DOP1A: variants seen among roughly 807,000 people sequenced by gnomAD.
DOP1A encodes the protein DOP1 leucine zipper like protein A, also known as protein DOP1A.
In DOP1A, 90 loss-of-function variants were observed where a neutral mutation model predicts 267.6. That is an observed-to-expected ratio of 0.34 (90% CI 0.28 to 0.40). The LOEUF (loss-of-function observed/expected upper bound fraction) is 0.40. DOP1A is among the 10% of genes least tolerant of loss of function. The pLI is 1.00. For synonymous variants in DOP1A, 932 were observed against 999.1 expected (o/e 0.93, Z 1.27); for missense variants, 2,437 against 2,900.4 (o/e 0.84, Z 3.67).
intron 1 of DOP1A, chr6:83,072,862 CT>C (rs1163439470): frequency 1.1e-5 from 2 of 185,136 alleles, no homozygotes; most frequent in African/African-American, 4.8e-5. Flanking sequence ...ATGCTTTTTG[CT>C]TCTGTTCAGA....
rs376756770 is a variant in DOP1A at position 83,159,925 on chromosome 6, C to T, written c.6927C>T (p.Leu2309=). 23 of 1,613,978 alleles carry T rather than the reference C, an allele frequency of 1.4e-5. No individual in the cohort carries two copies. In the African/African-American group the frequency reaches 1.5e-4, roughly 10 times the overall value. ...CTTGCAAATTTTTGGATTTGGCTCT[C>T]GCATTGCCCTCTGAAAACCTTCCTC... is the stretch of plus-strand genomic sequence containing the variant. ...LSACKFLDLA[L]ALPSENLPQF... is the part of the protein sequence containing the mutation. Residue 2309 remains leucine (L), a synonymous_variant, in exon 37 of 39, where the codon CTC becomes CTT. Coordinates refer to ENST00000349129, the MANE Select transcript of DOP1A (RefSeq NM_015018.4).
chr6:83,074,717 A>C (rs369074582), intron 1 of DOP1A, among the ~76,000 whole-genome samples: 2 of 152,304 alleles, frequency 1.3e-5, no homozygotes, highest in East Asian at 3.9e-4. Flanking sequence ...AATGATGTAA[A>C]TTATAGTGAA....
At chr6:83,117,123 T>A (rs1443347801) in intron 7 of DOP1A, among the ~76,000 whole-genome samples, 1 of 138,238 alleles carries the variant, frequency 7.2e-6, no homozygotes, top group African/African-American at 2.9e-5. Flanking sequence ...AGTACTTTTT[T>A]ATTTTATTTT....
chr6:83,107,681 T>G (rs1239100342), intron 4 of DOP1A, among the ~76,000 whole-genome samples: 1 of 152,190 alleles, frequency 6.6e-6, no homozygotes, highest in African/African-American at 2.4e-5. Flanking sequence ...CCTAGTCTAA[T>G]TAGGAGATAA....
intron 5 of DOP1A, 47 bp from the exon 6 acceptor site, chr6:83,110,078 A>G (rs1774294753): frequency 6.7e-7 from 1 of 1,489,750 alleles, no homozygotes; most frequent in African/African-American, 1.4e-5. Context: ...TTTTTAAAAT[A>G]TGAAACTAAA....
intron 11 of DOP1A, 24 bp downstream of exon 11, chr6:83,122,074 T>G (rs1776451235): frequency 1.2e-6 from 2 of 1,607,004 alleles, no homozygotes; most frequent in East Asian, 4.5e-5. Context: ...AAATTAAATG[T>G]GACATGAAGA....
chr6:83,152,360 T>C lies in DOP1A; in HGVS notation c.6122T>C (p.Leu2041Pro). 1.3e-6 allele frequency: 2 copies of C among 1,508,454 alleles called. No homozygotes were observed. Among genetic ancestry groups the C allele is most frequent in the Admixed American group, 2.1e-5 (1 of 47,766 alleles). The allele number at this position is 1,508,454 out of a possible 1,614,324, so 93.4% of individuals were successfully genotyped here. The change falls in exon 30 of 39, where the codon CTC becomes CCC. Residue 2041 changes from leucine to proline, a missense_variant. Transcript: ENST00000349129. ...SVYSVHALTL[L>P]SEVLAHLLDM... Reference sequence around the variant, plus strand: ...TATAGTGTCCATGCATTGACATTACTCTCTGAGGTAAATATTAAGCTTTTT... The same window carrying C: ...TATAGTGTCCATGCATTGACATTACCCTCTGAGGTAAATATTAAGCTTTTT...
chr6:83,143,904 A>G (rs1352350927), intron 24 of DOP1A, among the ~76,000 whole-genome samples: 2 of 152,232 alleles, frequency 1.3e-5, no homozygotes, highest in East Asian at 3.9e-4. Context: ...CACAAAGATT[A>G]GCATGTAATT....
chr6:83,073,223 C>T (rs545308449), intron 1 of DOP1A: 33 of 164,180 alleles, frequency 2.0e-4, no homozygotes, highest in Admixed American at 1.5e-3. Flanking sequence ...GCTGGGACTA[C>T]GGGCATGTGC....
downstream of DOP1A, chr6:83,168,634 A>G: frequency 5.0e-6 from 5 of 996,314 alleles, no homozygotes; most frequent in Non-Finnish European, 6.0e-6. Flanking sequence ...GCAGTGAAGA[A>G]TAACTGAAGG....
chr6:83,153,914 AT>A lies in DOP1A; in HGVS notation c.6261del (p.Arg2088GlufsTer51). ...RNHSAHNAPS[Y>X]RACVQLLSSL... ...TGTAGTGCACATAATGCCCCTAGTT[AT>A]CGAGCTTGTGTCCAGCTGCTCAGCA... On this transcript the variant is annotated frameshift_variant, in exon 32 of 39. Coordinates refer to ENST00000349129, the MANE Select transcript of DOP1A (RefSeq NM_015018.4). LOFTEE classifies it high-confidence loss of function. 6.2e-7 allele frequency: 1 copy of A among 1,612,564 alleles called. No individual in the cohort carries two copies. Among genetic ancestry groups the A allele is most frequent in the Non-Finnish European group, 8.5e-7 (1 of 1,179,632 alleles).
chr6:83,094,527 A>G (rs1452535168), intron 1 of DOP1A, among the ~76,000 whole-genome samples: 2 of 152,226 alleles, frequency 1.3e-5, no homozygotes, highest in Non-Finnish European at 2.9e-5. Context: ...CCAGCAGTGT[A>G]TGAGGGTTCC....
intron 22 of DOP1A, 43 bp from the exon 23 acceptor site, chr6:83,140,178 A>G: frequency 6.2e-7 from 1 of 1,605,898 alleles, no homozygotes; most frequent in Non-Finnish European, 8.5e-7. Context: ...CCATTTGTAA[A>G]TCTCAGTAAG....
intron 1 of DOP1A, among the ~76,000 whole-genome samples, chr6:83,068,307 A>G (rs1785041585): frequency 6.6e-6 from 1 of 152,210 alleles, no homozygotes; most frequent in African/African-American, 2.4e-5. Flanking sequence ...ATTAAGAGGA[A>G]GTCAGAAGAG....
At chr6:83,153,258 CTCTTT>C (rs535954736) in intron 30 of DOP1A, 2 of 255,044 alleles carry the variant, frequency 7.8e-6, no homozygotes, top group South Asian at 2.9e-4. Context: ...GGTTCTTGAA[CTCTTT>C]TCTTTTTTGT....
At chr6:83,156,846 GTTGACTAGA>G (rs953272975) in intron 34 of DOP1A, among the ~76,000 whole-genome samples, 1 of 151,950 alleles carries the variant, frequency 6.6e-6, no homozygotes, top group Non-Finnish European at 1.5e-5. Context: ...TTTTGTTTAA[GTTGACTAGA>G]TCAGTGCTAC....
intron 34 of DOP1A, among the ~76,000 whole-genome samples, chr6:83,156,327 A>C (rs898026387): frequency 1.3e-5 from 2 of 152,186 alleles, no homozygotes; most frequent in African/African-American, 2.4e-5. Flanking sequence ...TTTATTGTTT[A>C]GTTCAAATTT....
intron 1 of DOP1A, among the ~76,000 whole-genome samples, chr6:83,090,523 T>C (rs981239865): frequency 6.6e-6 from 1 of 152,224 alleles, no homozygotes; most frequent in African/African-American, 2.4e-5. Flanking sequence ...ATATTTGCAT[T>C]ATGATCTAAG....
At position 83,125,685 on chromosome 6, in the gene DOP1A, G is replaced by A; in HGVS notation, c.1671G>A (p.Gln557=). 2 of 1,613,602 alleles carry A rather than the reference G, an allele frequency of 1.2e-6. No homozygotes were observed. The highest frequency in any genetic ancestry group is 2.2e-5 in the East Asian group (1 of 44,862). ...CTGCTAGCACTGGAGGTGTTTTGCA[G>A]TTTCCAAGTGGGCAGAACAATTCAG... ...LLSASTGGVL[Q]FPSGQNNSVK... is the part of the protein sequence containing the mutation. Residue 557 remains glutamine, a synonymous_variant, in exon 15 of 39, where the codon CAG becomes CAA. Transcript: ENST00000349129.
Sources: gnomAD v4.1 joint callset for allele counts (sites outside exome capture counted in the v4.1 genomes callset) on GRCh38, gnomAD v4.1.1 for gene constraint, MANE v1.5 for transcripts, NCBI Gene and HGNC (gene_info 2026-07-23, HGNC 2026-07-21) for gene names.